The following ARFIP1 variants were observed in gnomAD, a reference collection of about 807,000 sequenced individuals.
ARFIP1 encodes ARF interacting protein 1.
ARFIP1 carries 24 observed loss-of-function variants against 42.5 expected under a neutral mutation model. The ratio of observed to expected loss-of-function variants is 0.57; its 90% CI spans 0.41 to 0.80. The LOEUF is 0.80. ARFIP1 is among the 30% of genes least tolerant of loss of function. ARFIP1 has a pLI of 0.00. For synonymous variants in ARFIP1, 141 were observed against 153.7 expected, an observed-to-expected ratio of 0.92 and a Z score of 0.61; for missense variants, 354 against 434.0, an observed-to-expected ratio of 0.82 and a Z score of 1.64.
At chr4:152,864,948 A>T (rs902449602) in intron 3 of ARFIP1, among the ~76,000 whole-genome samples, 16 of 146,086 alleles carry the variant, frequency 1.1e-4, no homozygotes, top group African/African-American at 4.1e-4. Flanking sequence ...CTCGAGTGAA[A>T]GTAAAGCCGT....
chr4:152,782,900 A>T (rs1324521669), intron 1 of ARFIP1, among the ~76,000 whole-genome samples: 1 of 152,054 alleles, frequency 6.6e-6, no homozygotes, highest in East Asian at 1.9e-4. Flanking sequence ...TAACTTGAAG[A>T]GACCTATACA....
At chr4:152,875,485 C>T (rs1322055888) in intron 5 of ARFIP1, among the ~76,000 whole-genome samples, 1 of 150,468 alleles carries the variant, frequency 6.6e-6, no homozygotes, top group African/African-American at 2.4e-5. Flanking sequence ...TTGCCATTAG[C>T]ATTCACACCC....
intron 7 of ARFIP1, among the ~76,000 whole-genome samples, chr4:152,885,152 A>G (rs1736159828): frequency 6.6e-6 from 1 of 152,088 alleles, no homozygotes; most frequent in Non-Finnish European, 1.5e-5. Flanking sequence ...CTGATGGATA[A>G]TAGTCAAAAA....
chr4:152,892,013 C>T (rs1429403276), intron 8 of ARFIP1, among the ~76,000 whole-genome samples: 4 of 152,036 alleles, frequency 2.6e-5, no homozygotes, highest in African/African-American at 9.7e-5. Flanking sequence ...AGGCCCAACA[C>T]TTTAATTTGA....
rs141085698 is a variant in ARFIP1, at chr4:152,796,445, T to G, written c.-10+16219T>G. ...TCTCTTTCCTGTTTGAATAACTTAA[T>G]GCTTCTGTTTCTCCCTGGGCACATA... On this transcript the variant is annotated intron_variant, in intron 1 of 8. Coordinates refer to ENST00000353617, the MANE Select transcript of ARFIP1 (RefSeq NM_001025595.3). 41 of 741,104 alleles carry G rather than the reference T, an allele frequency of 5.5e-5. No homozygotes were observed. The East Asian group carries it at 9.6e-4, about 17-fold the overall frequency. The allele number at this position is 741,104 out of a possible 1,614,324, so 45.9% of individuals were successfully genotyped here.
intron 1 of ARFIP1, among the ~76,000 whole-genome samples, chr4:152,782,042 G>T (rs760829404): frequency 1.3e-5 from 2 of 152,154 alleles, no homozygotes; most frequent in Admixed American, 6.5e-5. Flanking sequence ...AGTGAAAACA[G>T]GTTTTGTGTG....
chr4:152,846,246 A>C (rs1360433256), intron 2 of ARFIP1, among the ~76,000 whole-genome samples: 1 of 152,166 alleles, frequency 6.6e-6, no homozygotes, highest in Non-Finnish European at 1.5e-5. Flanking sequence ...AAAACTATTG[A>C]ATACTATGCT....
chr4:152,807,834 G>A (rs566649500), intron 1 of ARFIP1, among the ~76,000 whole-genome samples: 1 of 151,760 alleles, frequency 6.6e-6, no homozygotes, highest in African/African-American at 2.4e-5. Context: ...GCTTACCCAC[G>A]GTCATGACTC....
At chr4:152,845,380 G>C (rs1732452374) in intron 2 of ARFIP1, among the ~76,000 whole-genome samples, 1 of 152,082 alleles carries the variant, frequency 6.6e-6, no homozygotes, top group Non-Finnish European at 1.5e-5. Flanking sequence ...AAGAGTTTCT[G>C]CATAGCAAAA....
chr4:152,889,757 A>C (rs1192662442), intron 8 of ARFIP1, among the ~76,000 whole-genome samples: 2 of 39,194 alleles, frequency 5.1e-5, no homozygotes, highest in Non-Finnish European at 1.0e-4. Flanking sequence ...ACTATATATT[A>C]TATACTATAC....
At chr4:152,830,571 CTT>C (rs1473034675) in intron 2 of ARFIP1, among the ~76,000 whole-genome samples, 1 of 152,078 alleles carries the variant, frequency 6.6e-6, no homozygotes, top group Non-Finnish European at 1.5e-5. Context: ...AAATAGGACT[CTT>C]TACTCCATGT....
chr4:152,887,238 A>T (rs774449397), intron 7 of ARFIP1, among the ~76,000 whole-genome samples: 9 of 151,988 alleles, frequency 5.9e-5, no homozygotes, highest in Non-Finnish European at 1.3e-4. Context: ...ATGAGGAGTT[A>T]TGGGATCTTG....
At chr4:152,789,493 T>C (rs1464137473) in intron 1 of ARFIP1, among the ~76,000 whole-genome samples, 1 of 152,220 alleles carries the variant, frequency 6.6e-6, no homozygotes, top group East Asian at 1.9e-4. Flanking sequence ...TACTCTGTTT[T>C]CCCCCTCCTT....
At chr4:152,814,099 T>G (rs1729685677) in intron 1 of ARFIP1, among the ~76,000 whole-genome samples, 1 of 6,260 alleles carries the variant, frequency 1.6e-4, no homozygotes, top group Admixed American at 1.3e-3. Flanking sequence ...TTCTTCTTCT[T>G]TTTTTTTTTT....
At chr4:152,894,064 A>G (rs1737093678) in intron 8 of ARFIP1, among the ~76,000 whole-genome samples, 1 of 152,020 alleles carries the variant, frequency 6.6e-6, no homozygotes, top group African/African-American at 2.4e-5. Flanking sequence ...CTAAAAATAC[A>G]AAAATTAGCC....
At chr4:152,908,093 C>T (rs1237348907) in intron 8 of ARFIP1, among the ~76,000 whole-genome samples, 1 of 152,158 alleles carries the variant, frequency 6.6e-6, no homozygotes, top group African/African-American at 2.4e-5. Flanking sequence ...TTCCTATTTC[C>T]TAATGAGACT....
chr4:152,881,338 T>C (rs1735832156), intron 6 of ARFIP1, among the ~76,000 whole-genome samples, 154 bp downstream of exon 6: 1 of 152,174 alleles, frequency 6.6e-6, no homozygotes, highest in South Asian at 2.1e-4. Flanking sequence ...AAGAAGGCCC[T>C]CTTAAAGTGA....
chr4:152,802,657 A>C (rs180829339), intron 1 of ARFIP1, among the ~76,000 whole-genome samples: 5 of 152,310 alleles, frequency 3.3e-5, no homozygotes, highest in South Asian at 2.1e-4. Context: ...CAGTTCCACA[A>C]ATCTAACCAA....
chr4:152,868,610 A>T (rs1420477592), intron 3 of ARFIP1, among the ~76,000 whole-genome samples: 2 of 152,206 alleles, frequency 1.3e-5, no homozygotes. Context: ...TATTATACAC[A>T]TCCCATGTAG....
Sources: gnomAD v4.1 joint callset for allele counts (sites outside exome capture counted in the v4.1 genomes callset) on GRCh38, gnomAD v4.1.1 for gene constraint, MANE v1.5 for transcripts, NCBI Gene and HGNC (gene_info 2026-07-23, HGNC 2026-07-21) for gene names.